ELMO1: variants seen among roughly 807,000 people sequenced by gnomAD.
The protein encoded by ELMO1 is engulfment and cell motility 1.
A neutral mutation model predicts 98.9 loss-of-function variants in ELMO1; 26 were observed. The ratio of observed to expected loss-of-function variants is 0.26; its 90% CI spans 0.19 to 0.36. ELMO1 has a LOEUF of 0.36. Ranked by LOEUF, ELMO1 falls within the 10% of genes least tolerant of loss-of-function variation. ELMO1 has a pLI of 1.00. For synonymous variants in ELMO1, 346 were observed against 346.0 expected, an observed-to-expected ratio of 1.00 and a Z score of 0.00; for missense variants, 627 against 935.2, an observed-to-expected ratio of 0.67 and a Z score of 4.30.
chr7:36,886,966 A>G (rs1191643013), intron 18 of ELMO1, among the ~76,000 whole-genome samples: 1 of 152,192 alleles, frequency 6.6e-6, no homozygotes, highest in Admixed American at 6.5e-5. Flanking sequence ...AATAAGGGCC[A>G]TCCATGCTGG....
intron 2 of ELMO1, among the ~76,000 whole-genome samples, chr7:37,328,115 G>T (rs1799912761): frequency 6.6e-6 from 1 of 152,092 alleles, no homozygotes; most frequent in South Asian, 2.1e-4. Context: ...AGGCACAGTG[G>T]CTCATGCCTG....
chr7:37,088,740 C>T (rs745670893), intron 15 of ELMO1, among the ~76,000 whole-genome samples: 1 of 152,156 alleles, frequency 6.6e-6, no homozygotes, highest in Non-Finnish European at 1.5e-5. Flanking sequence ...CATTATAAAT[C>T]CCACTATTAG....
chr7:37,231,223 G>A (rs1346928881), intron 8 of ELMO1, among the ~76,000 whole-genome samples: 1 of 151,938 alleles, frequency 6.6e-6, no homozygotes, highest in Admixed American at 6.6e-5. Context: ...ACATAGTGCG[G>A]ACATGACACC....
At chr7:37,244,959 A>G (rs1032126169) in intron 6 of ELMO1, among the ~76,000 whole-genome samples, 5 of 152,192 alleles carry the variant, frequency 3.3e-5, no homozygotes, top group Non-Finnish European at 5.9e-5. Flanking sequence ...TGGCTATAAT[A>G]AAGGATACTT....
chr7:37,013,528 C>A, intron 15 of ELMO1, 93 bp from the exon 16 acceptor site: 1 of 1,434,356 alleles, frequency 7.0e-7, no homozygotes, highest in Non-Finnish European at 9.5e-7. Flanking sequence ...GGGAGACAAG[C>A]GGAGGTATCT....
At chr7:37,349,277 T>C (rs1164208485) in intron 1 of ELMO1, among the ~76,000 whole-genome samples, 2 of 152,186 alleles carry the variant, frequency 1.3e-5, no homozygotes, top group Non-Finnish European at 2.9e-5. Flanking sequence ...GAAAGGGAGC[T>C]GTTCATCTCA....
At chr7:37,315,567 C>G (rs1799110966) in intron 3 of ELMO1, among the ~76,000 whole-genome samples, 1 of 152,224 alleles carries the variant, frequency 6.6e-6, no homozygotes, top group Non-Finnish European at 1.5e-5. Context: ...CTTTCATCCT[C>G]TATGGGGACC....
In ELMO1 at chr7:36,870,602, G is replaced by T. The variant is rs111713512; in HGVS notation, c.1823-127C>A. On this transcript the variant is annotated intron_variant, in intron 19 of 21. Transcript: ENST00000310758. The surrounding 1 kb of genome is among the most constrained non-coding windows in gnomAD (Gnocchi z 4.4). The stretch of plus-strand genomic sequence containing the variant: ...TTCCCAGAAACTACTGCAAAAAGAA[G>T]AGTGTTGAAAAGAGGAAGAGAAGCC... 5 of 861,954 alleles carry T rather than the reference G, an allele frequency of 5.8e-6. No homozygotes were observed. The Middle Eastern group carries it at 6.8e-4, about 118-fold the overall frequency. 53.4% of individuals were successfully genotyped at this position (861,954 alleles called of 1,614,324 possible).
At chr7:37,432,153 T>C (rs1804957841) in intron 1 of ELMO1, among the ~76,000 whole-genome samples, 1 of 152,198 alleles carries the variant, frequency 6.6e-6, no homozygotes. Context: ...AGTGTCGGGA[T>C]TACAGGTGTG....
intron 10 of ELMO1, among the ~76,000 whole-genome samples, chr7:37,217,501 TCTTA>T (rs72284278): frequency 0.28 from 42,294 of 151,540 alleles, 6,502 homozygotes; most frequent in African/African-American, 0.41. Context: ...GTGTTGCTAC[TCTTA>T]CTGAGTAGAG....
intron 14 of ELMO1, among the ~76,000 whole-genome samples, chr7:37,130,104 C>T (rs568112724): frequency 1.4e-4 from 22 of 152,312 alleles, no homozygotes; most frequent in African/African-American, 5.1e-4. Flanking sequence ...CTGACCCCCA[C>T]ATCTGTGTTG....
intron 1 of ELMO1, among the ~76,000 whole-genome samples, chr7:37,403,589 G>A (rs1803625491): frequency 6.6e-6 from 1 of 152,136 alleles, no homozygotes; most frequent in Non-Finnish European, 1.5e-5. Flanking sequence ...CTGTCACCCA[G>A]GCTGGAGTGC....
intron 16 of ELMO1, among the ~76,000 whole-genome samples, chr7:36,922,614 G>GA (rs1316890279): frequency 6.6e-6 from 1 of 151,810 alleles, no homozygotes; most frequent in African/African-American, 2.4e-5. Context: ...GTAAGACAAA[G>GA]AAAAAAAATG....
At chr7:37,157,841 G>C (rs6968475) in intron 13 of ELMO1, among the ~76,000 whole-genome samples, 10 of 151,152 alleles carry the variant, frequency 6.6e-5, no homozygotes, top group Non-Finnish European at 1.3e-4. Context: ...GAGCCTGCAT[G>C]GCCAAGTCAA....
intron 13 of ELMO1, among the ~76,000 whole-genome samples, chr7:37,198,926 C>T (rs1792123123): frequency 6.6e-6 from 1 of 152,224 alleles, no homozygotes; most frequent in Non-Finnish European, 1.5e-5. Flanking sequence ...GCTAAACTTA[C>T]CCACTTAGAA....
chr7:37,167,994 G>C (rs1364649194), intron 13 of ELMO1, among the ~76,000 whole-genome samples: 2 of 151,866 alleles, frequency 1.3e-5, no homozygotes, highest in African/African-American at 2.4e-5. Flanking sequence ...CGTAGATTTG[G>C]TCTTTTCACA....
intron 16 of ELMO1, among the ~76,000 whole-genome samples, chr7:36,916,472 A>C (rs879025227): frequency 6.6e-6 from 1 of 152,254 alleles, no homozygotes; most frequent in South Asian, 2.1e-4. Flanking sequence ...GTGTTTTCCA[A>C]AATGTAAAAC....
At chr7:37,070,516 C>T (rs1466805691) in intron 15 of ELMO1, among the ~76,000 whole-genome samples, 1 of 152,070 alleles carries the variant, frequency 6.6e-6, no homozygotes, top group African/African-American at 2.4e-5. Context: ...GTGTGTTATA[C>T]TTAAAACACA....
At chr7:37,147,593 G>A (rs1788065497) in intron 13 of ELMO1, among the ~76,000 whole-genome samples, 1 of 152,208 alleles carries the variant, frequency 6.6e-6, no homozygotes, top group Non-Finnish European at 1.5e-5. Context: ...ACAAGTCCAA[G>A]AGGAGTCAAC....
Sources: gnomAD v4.1 joint callset for allele counts (sites outside exome capture counted in the v4.1 genomes callset) on GRCh38, gnomAD v4.1.1 for gene constraint, Gnocchi (gnomAD v3.1) non-coding constraint, MANE v1.5 for transcripts, NCBI Gene and HGNC (gene_info 2026-07-23, HGNC 2026-07-21) for gene names.